LHPP: variants seen among roughly 807,000 people sequenced by gnomAD.
LHPP encodes the protein phospholysine phosphohistidine inorganic pyrophosphate phosphatase.
A neutral mutation model predicts 30.3 loss-of-function variants in LHPP; 24 were observed. The ratio of observed to expected loss-of-function variants is 0.79; its 90% CI spans 0.57 to 1.11. The LOEUF (loss-of-function observed/expected upper bound fraction) is 1.11, where lower values mean the gene tolerates loss of function less well. Among genes scored for constraint, LHPP ranks in the 50% most tolerant of loss-of-function variants. The pLI is 0.00. For synonymous variants in LHPP, 150 were observed against 157.1 expected (o/e 0.95, Z 0.34); for missense variants, 356 against 367.2 (o/e 0.97, Z 0.25).
intron 6 of LHPP, among the ~76,000 whole-genome samples, chr10:124,594,029 A>T (rs773745548): frequency 1.3e-5 from 2 of 152,162 alleles, no homozygotes; most frequent in Non-Finnish European, 2.9e-5. Context: ...GACTGTTATT[A>T]TTACGCACAT....
chr10:124,604,882 C>T (rs142616397), intron 6 of LHPP, among the ~76,000 whole-genome samples: 2 of 152,364 alleles, frequency 1.3e-5, no homozygotes, highest in African/African-American at 4.8e-5. Flanking sequence ...TCTGCCCCAC[C>T]CTGCCCCTTC....
chr10:124,480,330 G>A (rs2361617), intron 1 of LHPP, among the ~76,000 whole-genome samples: 4,065 of 152,264 alleles, frequency 0.027, 190 homozygotes, highest in African/African-American at 0.093. Flanking sequence ...GATATTATAA[G>A]AGCATATAGG....
intron 2 of LHPP, among the ~76,000 whole-genome samples, chr10:124,485,613 T>TC (rs992470262): frequency 2.0e-5 from 3 of 151,918 alleles, no homozygotes; most frequent in Non-Finnish European, 4.4e-5. Context: ...GGTTTTTTTT[T>TC]TGGAGACAGA....
chr10:124,566,165 C>T (rs1027435059), intron 6 of LHPP, among the ~76,000 whole-genome samples: 3 of 152,244 alleles, frequency 2.0e-5, no homozygotes, highest in Non-Finnish European at 4.4e-5. Flanking sequence ...GCATCACCTT[C>T]TCCAGTTACT....
chr10:124,488,580 G>C lies in LHPP; in HGVS notation c.467+5G>C. The stretch of plus-strand genomic sequence containing the variant: ...GCTCATATCACTGGGAAAAGGGTAA[G>C]TTGGCTCCAGGGAGAGTCATTTCTC... On this transcript the variant is annotated splice_donor_5th_base_variant and intron_variant, in intron 3 of 6. Transcript: ENST00000368842. 4 of 1,606,334 alleles carry C rather than the reference G, an allele frequency of 2.5e-6. No homozygotes were observed. The highest frequency in any genetic ancestry group is 3.4e-6 in the Non-Finnish European group (4 of 1,177,642).
At chr10:124,463,819 TC>T (rs1486577967) in intron 1 of LHPP, among the ~76,000 whole-genome samples, 2 of 104,716 alleles carry the variant, frequency 1.9e-5, no homozygotes, top group Admixed American at 1.2e-4. Context: ...AATTTTTTTT[TC>T]TTTTTTTTTT....
In LHPP at chr10:124,593,322, A is replaced by C. The variant is rs11245306; in HGVS notation, c.717-19942A>C. 0.69 allele frequency among the ~76,000 whole-genome samples: 103,381 copies of C among 150,580 alleles called. 36,134 individuals are homozygous for C. The highest frequency in any genetic ancestry group is 0.79 in the South Asian group (3,774 of 4,764). On this transcript the variant is annotated intron_variant, in intron 6 of 6. Transcript: ENST00000368842. The surrounding 1 kb of genome is among the most constrained non-coding windows in gnomAD (Gnocchi z 4.9). ...AACCAGGCTGCGCTCTCGGGAGGGA[A>C]ACAGACTCTTATCCTCTTAGGTACA...
At chr10:124,578,157 C>T (rs1173915446) in intron 6 of LHPP, among the ~76,000 whole-genome samples, 1 of 152,218 alleles carries the variant, frequency 6.6e-6, no homozygotes. Context: ...GGCCCCACCA[C>T]ATGCTGTCAC....
chr10:124,570,818 T>C (rs543621460), intron 6 of LHPP, among the ~76,000 whole-genome samples: 1 of 152,380 alleles, frequency 6.6e-6, no homozygotes, highest in East Asian at 1.9e-4. Context: ...TTTTTGTGGC[T>C]GAGTAATATT....
intron 6 of LHPP, among the ~76,000 whole-genome samples, chr10:124,610,422 A>AGGGTGCTGGTGGAGCGGGTGAGGGTGC (rs1564852744): frequency 1.2e-3 from 8 of 6,848 alleles, no homozygotes; most frequent in Non-Finnish European, 2.0e-3. Flanking sequence ...GGTGAGGGTG[A>AGGGTGCTGGTGGAGCGGGTGAGGGTGC]GGGTGAGGGT....
chr10:124,462,686 T>C (rs1007036213), intron 1 of LHPP, among the ~76,000 whole-genome samples: 3 of 152,234 alleles, frequency 2.0e-5, no homozygotes, highest in Non-Finnish European at 4.4e-5. Context: ...TGAAATGATA[T>C]ACTTTTTGTT....
chr10:124,612,387 A>C (rs1194366637), intron 6 of LHPP, among the ~76,000 whole-genome samples: 4 of 152,180 alleles, frequency 2.6e-5, no homozygotes, highest in Admixed American at 2.6e-4. Flanking sequence ...CCTGGGCAAC[A>C]GAGTGACACT....
At chr10:124,508,237 T>C (rs1376060444) in intron 5 of LHPP, among the ~76,000 whole-genome samples, 4 of 152,140 alleles carry the variant, frequency 2.6e-5, no homozygotes, top group Admixed American at 1.3e-4. Context: ...ACGAACTCTG[T>C]TGGCTGAGCC....
chr10:124,515,765 C>T (rs1954435430), intron 5 of LHPP, among the ~76,000 whole-genome samples: 1 of 152,260 alleles, frequency 6.6e-6, no homozygotes, highest in Admixed American at 6.5e-5. Flanking sequence ...ATGCCCTGTG[C>T]ATCGTGAGTG....
At chr10:124,462,076 G>A (rs1952415382) in intron 1 of LHPP, 89 bp downstream of exon 1, 1 of 1,119,842 alleles carries the variant, frequency 8.9e-7, no homozygotes, top group East Asian at 4.0e-5. Context: ...GCGGCAGGGG[G>A]CGGGGCCGCG....
At chr10:124,536,735 C>T (rs979482361) in intron 6 of LHPP, among the ~76,000 whole-genome samples, 7 of 152,278 alleles carry the variant, frequency 4.6e-5, no homozygotes, top group Non-Finnish European at 5.9e-5. Flanking sequence ...ACAGACCCCC[C>T]GCCATTGGCA....
intron 6 of LHPP, among the ~76,000 whole-genome samples, chr10:124,569,785 A>G (rs1306419695): frequency 1.3e-5 from 2 of 152,184 alleles, no homozygotes; most frequent in African/African-American, 4.8e-5. Flanking sequence ...CACCAGTCAC[A>G]AGCAAGGTGT....
intron 6 of LHPP, among the ~76,000 whole-genome samples, chr10:124,597,565 C>T (rs578133752): frequency 2.0e-5 from 3 of 152,374 alleles, no homozygotes; most frequent in Non-Finnish European, 4.4e-5. Context: ...CCAGCAAGGG[C>T]ACCCAGAGCA....
intron 3 of LHPP, among the ~76,000 whole-genome samples, chr10:124,495,352 C>G (rs1953671355): frequency 6.6e-6 from 1 of 152,360 alleles, no homozygotes; most frequent in East Asian, 1.9e-4. Flanking sequence ...AACAAACAGA[C>G]TCCAAGCTCC....
Sources: allele counts gnomAD v4.1 joint callset (sites outside exome capture counted in the v4.1 genomes callset), GRCh38; gene constraint gnomAD v4.1.1; non-coding constraint Gnocchi (gnomAD v3.1); transcripts MANE v1.5; gene names NCBI Gene and HGNC (gene_info 2026-07-23, HGNC 2026-07-21).